CEP162: variants seen among roughly 807,000 people sequenced by gnomAD.
The protein encoded by CEP162 is centrosomal protein of 162 kDa.
A neutral mutation model predicts 169.2 loss-of-function variants in CEP162; 141 were observed. The observed-to-expected ratio is 0.83, with a 90% CI of 0.73 to 0.96. The LOEUF (loss-of-function observed/expected upper bound fraction) is 0.96. Among genes scored for constraint, CEP162 ranks in the 40% least tolerant of loss-of-function variants. The pLI is 0.00. For missense variants in CEP162, 1,600 were observed against 1,587.2 expected (o/e 1.01, Z -0.14); for synonymous variants, 540 against 526.4 (o/e 1.03, Z -0.35).
chr6:84,208,019 A>AT (rs375738078), intron 6 of CEP162, among the ~76,000 whole-genome samples: 9,932 of 132,852 alleles, frequency 0.075, 620 homozygotes, highest in African/African-American at 0.15. Context: ...AGGTTGATTG[A>AT]TTTTTTTTTT....
In CEP162 at chr6:84,182,379, A is replaced by T. The variant is rs114430870; in HGVS notation, c.1663+2808T>A. On this transcript the variant is annotated intron_variant, in intron 13 of 26. Coordinates refer to ENST00000403245, the MANE Select transcript of CEP162 (RefSeq NM_014895.4). ...ATTTTTGTCCTTTCATGGCAAAAAAAATACTTAGTCTAAAAATAAAAACAC... is the reference window on the plus strand; with the variant it reads ...ATTTTTGTCCTTTCATGGCAAAAAATATACTTAGTCTAAAAATAAAAACAC... Among the ~76,000 whole-genome samples, 945 of 152,262 alleles carry T rather than the reference A, an allele frequency of 6.2e-3. 4 individuals are homozygous for T. The highest frequency in any genetic ancestry group is 0.022 in the African/African-American group (914 of 41,562).
intron 25 of CEP162, among the ~76,000 whole-genome samples, chr6:84,135,837 T>C (rs2099513846): frequency 6.6e-6 from 1 of 152,156 alleles, no homozygotes; most frequent in African/African-American, 2.4e-5. Context: ...CACTCCAGCC[T>C]GGGCGACAAC....
intron 2 of CEP162, among the ~76,000 whole-genome samples, chr6:84,222,310 C>A (rs1204606086): frequency 1.3e-5 from 2 of 152,190 alleles, no homozygotes; most frequent in Non-Finnish European, 2.9e-5. Context: ...TCTTGAAACT[C>A]TCTACCTTGA....
At chr6:84,130,404 A>G (rs553138019) in intron 25 of CEP162, among the ~76,000 whole-genome samples, 9 of 151,814 alleles carry the variant, frequency 5.9e-5, no homozygotes, top group South Asian at 2.1e-4. Context: ...CTCTTTTTCT[A>G]TTGTGTGGAA....
chr6:84,195,264 C>T (rs1218563445), intron 9 of CEP162, among the ~76,000 whole-genome samples, 189 bp from the exon 10 acceptor site: 1 of 152,178 alleles, frequency 6.6e-6, no homozygotes, highest in Non-Finnish European at 1.5e-5. Flanking sequence ...CAAACTGAGG[C>T]GTGTCCTGAT....
intron 9 of CEP162, among the ~76,000 whole-genome samples, chr6:84,198,030 A>G (rs943904188): frequency 6.6e-6 from 1 of 152,174 alleles, no homozygotes; most frequent in Non-Finnish European, 1.5e-5. Flanking sequence ...CTTAAGTTTT[A>G]TATTTACTAA....
chr6:84,207,364 T>C (rs113545863), intron 6 of CEP162, among the ~76,000 whole-genome samples: 9,224 of 152,148 alleles, frequency 0.061, 913 homozygotes, highest in African/African-American at 0.21. Flanking sequence ...GTGGCAAATA[T>C]ACACCATGGA....
Position 84,147,458 on chromosome 6 carries a change from G to A in CEP162, c.3772-673C>T, listed in dbSNP as rs142893760. Among the ~76,000 whole-genome samples the A allele has an allele frequency of 2.8e-4, 43 of 152,180 alleles. No homozygotes were observed. In the East Asian group the frequency reaches 7.9e-3, roughly 28 times the overall value. ...ACTGTACTTGGCAACAATATTATGT[G>A]TATTTCACGGTAACTAGAAGAGAGA... On this transcript the variant is annotated intron_variant, in intron 24 of 26. Transcript: ENST00000403245.
chr6:84,143,083 T>C (rs1403240750), intron 25 of CEP162, among the ~76,000 whole-genome samples: 2 of 152,112 alleles, frequency 1.3e-5, no homozygotes, highest in Admixed American at 1.3e-4. Flanking sequence ...CTCTTTGGTA[T>C]AGCTTACATC....
chr6:84,211,550 A>G (rs1462037285), intron 6 of CEP162, among the ~76,000 whole-genome samples: 2 of 148,672 alleles, frequency 1.3e-5, no homozygotes, highest in Non-Finnish European at 3.0e-5. Context: ...AAAAAAAAAA[A>G]GAGATTAATA....
At chr6:84,130,931 C>G (rs1221970668) in intron 25 of CEP162, among the ~76,000 whole-genome samples, 1 of 152,116 alleles carries the variant, frequency 6.6e-6, no homozygotes. Flanking sequence ...TTCTCTAGTT[C>G]TATTAATTGT....
chr6:84,161,865 G>T lies in CEP162; in HGVS notation c.2557C>A (p.Gln853Lys), dbSNP rs770501226. The change falls in exon 20 of 27, where the codon CAA (glutamine) becomes AAA (lysine). Residue 853 changes from glutamine (Q) to lysine (K), a missense_variant. Transcript: ENST00000403245. ...CTTTTTTGCAGACGACTGATTTCTTGTTTATGTGTTTCTTCTAAAATTTTT... is the reference window on the plus strand; with the variant it reads ...CTTTTTTGCAGACGACTGATTTCTTTTTTATGTGTTTCTTCTAAAATTTTT... Reference protein sequence around the residue: ...EIKILEETHKQEISRLQKRLQ... With the variant: ...EIKILEETHKKEISRLQKRLQ... 6.4e-7 allele frequency: 1 copy of T among 1,569,414 alleles called. No individual in the cohort carries two copies. Among genetic ancestry groups the T allele is most frequent in the Admixed American group, 1.8e-5 (1 of 55,546 alleles).
At chr6:84,182,712 A>G (rs1372014674) in intron 13 of CEP162, among the ~76,000 whole-genome samples, 1 of 152,118 alleles carries the variant, frequency 6.6e-6, no homozygotes, top group East Asian at 1.9e-4. Context: ...TTAAGACAAA[A>G]GTCACATACT....
At chr6:84,163,038 C>T (rs1279891935) in intron 19 of CEP162, 106 bp downstream of exon 19, 10 of 1,074,934 alleles carry the variant, frequency 9.3e-6, no homozygotes, top group Admixed American at 2.3e-5. Flanking sequence ...TTACAATATA[C>T]TTCAAGGAGT....
At chr6:84,212,809 C>G in intron 6 of CEP162, 148 bp downstream of exon 6, 4 of 534,966 alleles carry the variant, frequency 7.5e-6, no homozygotes, top group Non-Finnish European at 1.3e-5. Context: ...AATTTCTTAG[C>G]AGCTCAGTTT....
intron 6 of CEP162, 102 bp downstream of exon 6, chr6:84,212,855 A>G (rs187518389): frequency 6.1e-4 from 459 of 752,242 alleles, no homozygotes; most frequent in Non-Finnish European, 8.8e-4. Flanking sequence ...CAAAGCTCTG[A>G]GACAATATGA....
intron 21 of CEP162, among the ~76,000 whole-genome samples, chr6:84,159,976 T>G (rs1459993809): frequency 6.6e-6 from 1 of 152,098 alleles, no homozygotes; most frequent in Non-Finnish European, 1.5e-5. Context: ...AAATAGGTCT[T>G]GTAAAAGTAA....
chr6:84,197,837 AAAAAAAG>A (rs1448181707), intron 9 of CEP162, among the ~76,000 whole-genome samples: 1 of 151,352 alleles, frequency 6.6e-6, no homozygotes, highest in Non-Finnish European at 1.5e-5. Context: ...AAAAAAAAAA[AAAAAAAG>A]AGAGAAAGTT....
chr6:84,215,541 A>G, intron 4 of CEP162, 76 bp from the exon 5 acceptor site: 1 of 1,261,794 alleles, frequency 7.9e-7, no homozygotes, highest in African/African-American at 1.5e-5. Context: ...GCATTTATTG[A>G]CATTATGTAG....
Sources: gnomAD v4.1 joint callset for allele counts (sites outside exome capture counted in the v4.1 genomes callset) on GRCh38, gnomAD v4.1.1 for gene constraint, MANE v1.5 for transcripts, NCBI Gene and HGNC (gene_info 2026-07-23, HGNC 2026-07-21) for gene names.